The following MEIS2 variants were observed in gnomAD, a reference collection of about 807,000 sequenced individuals.
The protein encoded by MEIS2 is homeobox protein Meis2.
A neutral mutation model predicts 58.6 loss-of-function variants in MEIS2; 9 were observed. That is an observed-to-expected ratio of 0.15 (90% confidence interval 0.09 to 0.27). The LOEUF (loss-of-function observed/expected upper bound fraction) is 0.27, where lower values mean the gene tolerates loss of function less well. Ranked by LOEUF, MEIS2 falls within the 10% of genes least tolerant of loss-of-function variation. MEIS2 has a pLI of 1.00. For missense variants in MEIS2, 427 were observed against 635.0 expected, an observed-to-expected ratio of 0.67 and a Z score of 3.52; for synonymous variants, 221 against 228.4, an observed-to-expected ratio of 0.97 and a Z score of 0.29.
At chr15:36,925,743 A>G (rs2057722255) in intron 9 of MEIS2, among the ~76,000 whole-genome samples, 1 of 152,162 alleles carries the variant, frequency 6.6e-6, no homozygotes, top group African/African-American at 2.4e-5. Flanking sequence ...ATTTCATCCC[A>G]AAGTATTTCC....
chr15:36,966,361 C>T (rs2059356890), intron 8 of MEIS2, among the ~76,000 whole-genome samples: 1 of 152,186 alleles, frequency 6.6e-6, no homozygotes, highest in African/African-American at 2.4e-5. Flanking sequence ...CAAGCATACA[C>T]ATTCTCAAGG....
chr15:36,955,563 T>C (rs2058928166), intron 8 of MEIS2, among the ~76,000 whole-genome samples: 2 of 152,192 alleles, frequency 1.3e-5, no homozygotes. Flanking sequence ...AACAAAGATA[T>C]ACATGGGATA....
Position 37,099,532 on chromosome 15 carries a change from T to C in MEIS2, c.-66A>G. 1 of 1,598,096 alleles carries C rather than the reference T, an allele frequency of 6.3e-7. No homozygotes were observed. The highest frequency in any genetic ancestry group is 8.5e-7 in the Non-Finnish European group (1 of 1,173,256). On this transcript the variant is annotated 5_prime_UTR_variant, in exon 1 of 12. Coordinates refer to ENST00000561208, the MANE Select transcript of MEIS2 (RefSeq NM_170675.5). Reference sequence around the variant, plus strand: ...TAATATCCCAGTCCGGATAAGAAAGTGATCTAGGCTGAAGATTCCTTTTTT... The same window carrying C: ...TAATATCCCAGTCCGGATAAGAAAGCGATCTAGGCTGAAGATTCCTTTTTT...
At chr15:37,085,137 A>C (rs1892730411) in intron 6 of MEIS2, among the ~76,000 whole-genome samples, 1 of 152,206 alleles carries the variant, frequency 6.6e-6, no homozygotes, top group South Asian at 2.1e-4. Flanking sequence ...TACACCAATC[A>C]AAGTATACAA....
At chr15:37,043,146 C>G (rs1038285277) in intron 7 of MEIS2, among the ~76,000 whole-genome samples, 4 of 152,156 alleles carry the variant, frequency 2.6e-5, no homozygotes, top group African/African-American at 9.7e-5. Flanking sequence ...ACTGGTACTT[C>G]TTTTAGGGAA....
intron 9 of MEIS2, among the ~76,000 whole-genome samples, chr15:36,941,574 T>A (rs2058376319): frequency 6.6e-6 from 1 of 152,182 alleles, no homozygotes; most frequent in South Asian, 2.1e-4. Context: ...TAGCATGTGT[T>A]TTATAATTTT....
chr15:36,913,323 T>G (rs2057130614), intron 9 of MEIS2, among the ~76,000 whole-genome samples: 1 of 152,312 alleles, frequency 6.6e-6, no homozygotes, highest in South Asian at 2.1e-4. Flanking sequence ...TGGACACACA[T>G]TTTGGACCTG....
intron 8 of MEIS2, among the ~76,000 whole-genome samples, chr15:36,985,463 T>A (rs962920580): frequency 1.3e-5 from 2 of 152,218 alleles, no homozygotes; most frequent in Non-Finnish European, 2.9e-5. Flanking sequence ...AGGCCTTGTT[T>A]TCTTGTAATA....
intron 11 of MEIS2, among the ~76,000 whole-genome samples, chr15:36,893,117 A>G (rs2055971163): frequency 6.6e-6 from 1 of 152,262 alleles, no homozygotes; most frequent in Admixed American, 6.5e-5. Context: ...CCTTGATATT[A>G]GGAATAAAAT....
chr15:36,920,121 T>TTC (rs1567052713), intron 9 of MEIS2, among the ~76,000 whole-genome samples: 2 of 112,042 alleles, frequency 1.8e-5, no homozygotes, highest in Admixed American at 1.7e-4. Flanking sequence ...ATACTGCTTT[T>TTC]ATTTATTTAT....
intron 9 of MEIS2, among the ~76,000 whole-genome samples, chr15:36,939,315 A>C (rs997383925): frequency 6.6e-6 from 1 of 152,192 alleles, no homozygotes; most frequent in Non-Finnish European, 1.5e-5. Flanking sequence ...CCTTTGTCAC[A>C]TAAAAGGCAG....
chr15:37,038,180 T>G (rs956476071), intron 7 of MEIS2, among the ~76,000 whole-genome samples: 1 of 152,322 alleles, frequency 6.6e-6, no homozygotes, highest in East Asian at 1.9e-4. Flanking sequence ...GTAAAAACCT[T>G]GTCCAAGAAA....
intron 8 of MEIS2, among the ~76,000 whole-genome samples, chr15:37,011,615 T>G (rs1486064055): frequency 1.6e-5 from 2 of 126,956 alleles, no homozygotes; most frequent in African/African-American, 3.0e-5. Flanking sequence ...TGGTTTTTTT[T>G]TTTTTTTTTT....
In MEIS2 at chr15:36,913,717, C is replaced by T. The variant is rs555297012; in HGVS notation, c.978-17031G>A. Reference sequence around the variant, plus strand: ...TGTGACCTTAAATCCCACTTGACTTCACACACTCAGGGGGAGAAAAAAAAA... The same window carrying T: ...TGTGACCTTAAATCCCACTTGACTTTACACACTCAGGGGGAGAAAAAAAAA... On this transcript the variant is annotated intron_variant, in intron 9 of 11. Transcript: ENST00000561208. 1.4e-4 allele frequency among the ~76,000 whole-genome samples: 21 copies of T among 150,812 alleles called. No homozygotes were observed. The South Asian group carries it at 3.5e-3, about 25-fold the overall frequency.
chr15:36,934,446 C>T (rs549565611), intron 9 of MEIS2, among the ~76,000 whole-genome samples: 2 of 152,282 alleles, frequency 1.3e-5, no homozygotes, highest in African/African-American at 4.8e-5. Context: ...AAAACGTGCA[C>T]AAGGCAATTC....
At position 36,952,833 on chromosome 15, in the gene MEIS2, G is replaced by A. The variant is rs527477082; in HGVS notation, c.901-2433C>T. Among the ~76,000 whole-genome samples, 35 of 151,968 alleles carry A rather than the reference G, an allele frequency of 2.3e-4. 1 individual carries two copies. In the South Asian group the frequency reaches 6.9e-3, roughly 30 times the overall value. ...GTTTTATTAGAAATTTAGTCAAATG[G>A]CCACAGAATTACATAAACAGTGCAT... On this transcript the variant is annotated intron_variant, in intron 8 of 11. Transcript: ENST00000561208.
intron 9 of MEIS2, among the ~76,000 whole-genome samples, chr15:36,936,342 C>G (rs1338310764): frequency 6.6e-6 from 1 of 152,006 alleles, no homozygotes; most frequent in Non-Finnish European, 1.5e-5. Flanking sequence ...ACTACAGGTG[C>G]CTGTCACCAC....
At chr15:37,033,472 G>C (rs1457538405) in intron 8 of MEIS2, among the ~76,000 whole-genome samples, 2 of 152,090 alleles carry the variant, frequency 1.3e-5, no homozygotes, top group Admixed American at 6.5e-5. Flanking sequence ...AAGAAAAAAG[G>C]GTACATCGGG....
At chr15:36,939,900 T>A (rs2058315238) in intron 9 of MEIS2, among the ~76,000 whole-genome samples, 1 of 152,198 alleles carries the variant, frequency 6.6e-6, no homozygotes, top group African/African-American at 2.4e-5. Flanking sequence ...ACGGGTAAGC[T>A]TTCCTTCTGT....
Sources: allele counts gnomAD v4.1 joint callset (sites outside exome capture counted in the v4.1 genomes callset), GRCh38; gene constraint gnomAD v4.1.1; transcripts MANE v1.5; gene names NCBI Gene and HGNC (gene_info 2026-07-23, HGNC 2026-07-21).